The following WDFY4 variants were observed in gnomAD, a reference collection of about 807,000 sequenced individuals.
WDFY4 encodes WDFY family member 4.
WDFY4 carries 169 observed loss-of-function variants against 351.9 expected under a neutral mutation model. The observed-to-expected ratio is 0.48, with a 90% CI of 0.42 to 0.55. WDFY4 has a LOEUF of 0.55. WDFY4 is among the 20% of genes least tolerant of loss of function. The pLI, the probability that WDFY4 is intolerant of heterozygous loss-of-function variation, is 0.00. For missense variants in WDFY4, 3,803 were observed against 3,935.6 expected, an observed-to-expected ratio of 0.97 and a Z score of 0.90; for synonymous variants, 1,622 against 1,574.6, an observed-to-expected ratio of 1.03 and a Z score of -0.71.
At chr10:48,785,843 A>G (rs1219578014) in intron 19 of WDFY4, among the ~76,000 whole-genome samples, 1 of 152,198 alleles carries the variant, frequency 6.6e-6, no homozygotes, top group Non-Finnish European at 1.5e-5. Context: ...TACATTTTAG[A>G]ATTAGCTTGT....
intron 39 of WDFY4, among the ~76,000 whole-genome samples, chr10:48,842,898 G>T (rs1000649584): frequency 2.6e-5 from 4 of 152,206 alleles, no homozygotes; most frequent in Non-Finnish European, 4.4e-5. Flanking sequence ...ATCTGAGAGT[G>T]ACCCAAATGC....
intron 57 of WDFY4, among the ~76,000 whole-genome samples, chr10:48,971,495 C>CAA (rs564785820): frequency 3.0e-4 from 37 of 124,530 alleles, no homozygotes; most frequent in African/African-American, 1.0e-3. Flanking sequence ...GACTCTGTCT[C>CAA]AAAAAAAAAA....
At chr10:48,756,892 A>G (rs2132499461) in intron 12 of WDFY4, among the ~76,000 whole-genome samples, 1 of 152,160 alleles carries the variant, frequency 6.6e-6, no homozygotes, top group African/African-American at 2.4e-5. Context: ...ACTGAAATGT[A>G]GTTTTTTTAT....
chr10:48,719,957 C>A, intron 2 of WDFY4, 54 bp from the exon 3 acceptor site: 1 of 1,490,606 alleles, frequency 6.7e-7, no homozygotes, highest in South Asian at 1.2e-5. Context: ...AGGCAGTGCT[C>A]ATGCCCTGCT....
At chr10:48,856,395 A>G (rs889427306) in intron 39 of WDFY4, among the ~76,000 whole-genome samples, 4 of 152,244 alleles carry the variant, frequency 2.6e-5, no homozygotes, top group Admixed American at 6.5e-5. Context: ...ATATCCAGTT[A>G]TCTGAAGAGA....
rs2064926928 is a variant in WDFY4, at chr10:48,743,716, C to T, written c.2459+168C>T. On this transcript the variant is annotated intron_variant, in intron 12 of 61. Transcript: ENST00000325239. ...AAGTTAGCTCTGACTCCACACTCTT[C>T]TACCTTGGGAGCTGATGGAAAATTC... Among the ~76,000 whole-genome samples the T allele has an allele frequency of 1.3e-5, 2 of 152,220 alleles. 1 individual carries two copies. The highest frequency in any genetic ancestry group is 1.3e-4 in the Admixed American group (2 of 15,292).
rs1042717203 is a variant in WDFY4 at position 48,943,376 on chromosome 10, C to T, written c.7676C>T (p.Ala2559Val). ...NFEYLMYLNT[A>V]AGRTCNDYMQ... ...GAGTATCTCATGTACCTCAACACCG[C>T]GGCTGGGAGAACCTGCAATGACTAC... Residue 2559 changes from alanine to valine, a missense_variant, in exon 49 of 62, where the codon GCG (alanine) becomes GTG (valine). Physicochemically the swap from Ala to Val is moderately conservative, Grantham distance 64. Transcript: ENST00000325239. The T allele has an allele frequency of 2.6e-5, 40 of 1,551,686 alleles. No individual in the cohort carries two copies. Among genetic ancestry groups the T allele is most frequent in the Non-Finnish European group, 3.1e-5 (36 of 1,147,018 alleles).
At chr10:48,785,374 A>G (rs1455601156) in intron 19 of WDFY4, among the ~76,000 whole-genome samples, 2 of 152,166 alleles carry the variant, frequency 1.3e-5, no homozygotes, top group Non-Finnish European at 2.9e-5. Flanking sequence ...GTTTTTCCTT[A>G]TATGACTCAT....
intron 28 of WDFY4, among the ~76,000 whole-genome samples, chr10:48,809,250 C>T (rs2067362002): frequency 6.6e-6 from 1 of 150,614 alleles, no homozygotes; most frequent in South Asian, 2.1e-4. Flanking sequence ...ACCATCACCA[C>T]CACCACCATC....
At chr10:48,738,697 C>T (rs1184042463) in intron 11 of WDFY4, among the ~76,000 whole-genome samples, 2 of 152,226 alleles carry the variant, frequency 1.3e-5, no homozygotes, top group Non-Finnish European at 2.9e-5. Context: ...CCCCCTGAAA[C>T]TTTGGAACGA....
intron 31 of WDFY4, among the ~76,000 whole-genome samples, chr10:48,815,305 A>G (rs11101512): frequency 0.1 from 15,620 of 152,108 alleles, 931 homozygotes; most frequent in South Asian, 0.15. Flanking sequence ...TGAGGTTGAA[A>G]TCATTTTTCA....
At chr10:48,685,867 A>C (rs201156405) in intron 1 of WDFY4, among the ~76,000 whole-genome samples, 1 of 128,208 alleles carries the variant, frequency 7.8e-6, no homozygotes, top group East Asian at 2.7e-4. Context: ...CAAAGCGGAC[A>C]GGGGTCTACG....
At chr10:48,715,688 C>T (rs368740177) in intron 2 of WDFY4, among the ~76,000 whole-genome samples, 3 of 152,070 alleles carry the variant, frequency 2.0e-5, no homozygotes, top group South Asian at 2.1e-4. Context: ...TGCAGTGGCC[C>T]GATCTCGGCT....
intron 12 of WDFY4, among the ~76,000 whole-genome samples, chr10:48,756,416 G>C (rs550499466): frequency 2.3e-4 from 34 of 150,428 alleles, no homozygotes; most frequent in African/African-American, 8.3e-4. Context: ...TTTTTTTATG[G>C]ATTCCTTGGG....
At chr10:48,942,999 C>T (rs1011398945) in intron 48 of WDFY4, among the ~76,000 whole-genome samples, 2 of 152,206 alleles carry the variant, frequency 1.3e-5, no homozygotes, top group African/African-American at 4.8e-5. Flanking sequence ...TCAGTTCACC[C>T]ACAGCATTTG....
At position 48,725,266 on chromosome 10, in the gene WDFY4, AC is replaced by A. The variant is rs555674867; in HGVS notation, c.592-610del. ...TCACACTGGCAGCAGGTCCTGTTGG[AC>A]CCCCAAGAGCCCAGGGGGGAGCTGC... is the stretch of plus-strand genomic sequence containing the variant. On this transcript the variant is annotated intron_variant, in intron 5 of 61. Coordinates refer to ENST00000325239, the MANE Select transcript of WDFY4 (RefSeq NM_001394531.1). Among the ~76,000 whole-genome samples, 26 of 152,190 alleles carry A rather than the reference AC, an allele frequency of 1.7e-4. No individual in the cohort carries two copies. The South Asian group carries it at 5.4e-3, about 32-fold the overall frequency.
intron 24 of WDFY4, among the ~76,000 whole-genome samples, chr10:48,797,131 CA>C (rs1180624595): frequency 1.3e-5 from 2 of 152,142 alleles, no homozygotes; most frequent in African/African-American, 4.8e-5. Flanking sequence ...AGTCAGAATT[CA>C]GGGGGAAAAT....
intron 51 of WDFY4, among the ~76,000 whole-genome samples, chr10:48,953,333 T>TCTCTCACACA (rs771339557): frequency 0.18 from 23,248 of 127,404 alleles, 2,643 homozygotes; most frequent in East Asian, 0.5. Context: ...TCTCTCTCTC[T>TCTCTCACACA]CACACACACA....
intron 47 of WDFY4, among the ~76,000 whole-genome samples, chr10:48,925,721 G>A (rs1419166160): frequency 6.6e-6 from 1 of 152,146 alleles, no homozygotes; most frequent in African/African-American, 2.4e-5. Context: ...ATGATGGCAG[G>A]AGAGATGCAG....
Sources: gnomAD v4.1 joint callset for allele counts (sites outside exome capture counted in the v4.1 genomes callset) on GRCh38, gnomAD v4.1.1 for gene constraint, MANE v1.5 for transcripts, NCBI Gene and HGNC (gene_info 2026-07-23, HGNC 2026-07-21) for gene names.